CHD4: variants seen among roughly 807,000 people sequenced by gnomAD.
CHD4 encodes chromodomain helicase DNA binding protein 4, also known as ATP-dependent chromatin remodeler CHD4.
CHD4 carries 35 observed loss-of-function variants against 235.5 expected under a neutral mutation model. The observed-to-expected ratio is 0.15, with a 90% CI of 0.11 to 0.20. The LOEUF (loss-of-function observed/expected upper bound fraction) is 0.20. Among genes scored for constraint, CHD4 ranks in the 10% least tolerant of loss-of-function variants. CHD4 has a pLI of 1.00. For synonymous variants in CHD4, 900 were observed against 850.2 expected (o/e 1.06, Z -1.02); for missense variants, 1,329 against 2,432.3 (o/e 0.55, Z 9.54).
At chr12:6,601,855 G>A (rs1948597271) in intron 4 of CHD4, 89 bp from the exon 5 acceptor site, 26 of 1,561,714 alleles carry the variant, frequency 1.7e-5, no homozygotes, top group Non-Finnish European at 8.8e-7. Context: ...GAGTAACAGA[G>A]TTAAGAGGAA....
chr12:6,583,390 G>A lies in CHD4; in HGVS notation c.3880-12C>T. ...ACCTCCTCTTCCTCCTGGGACAGAG[G>A]GAGGGCCAGGACTCAGGAGTGCTGA... On this transcript the variant is annotated splice_polypyrimidine_tract_variant and intron_variant, in intron 25 of 39. Transcript: ENST00000544040. 6.3e-7 allele frequency: 1 copy of A among 1,597,462 alleles called. No homozygotes were observed. The highest frequency in any genetic ancestry group is 8.5e-7 in the Non-Finnish European group (1 of 1,170,558).
chr12:6,588,459 C>T, intron 22 of CHD4, 37 bp from the exon 23 acceptor site: 1 of 1,604,154 alleles, frequency 6.2e-7, no homozygotes. Flanking sequence ...AGAAGTGTCT[C>T]CTAAATTCCA....
At chr12:6,584,924 G>A (rs1423359938) in intron 25 of CHD4, among the ~76,000 whole-genome samples, 3 of 152,018 alleles carry the variant, frequency 2.0e-5, no homozygotes, top group Admixed American at 6.6e-5. Context: ...TGAACACTAC[G>A]GTACACAGAC....
chr12:6,595,348 T>A lies in CHD4; in HGVS notation c.2107A>T (p.Thr703Ser). ...KLRKLERPPE[T>S]PTVDPTVKYE... Reference sequence around the variant, plus strand: ...CCCCCACTCACATCAACTGTTGGCGTTTCTGGAGGCCTCTCCAACTTCCGA... The same window carrying A: ...CCCCCACTCACATCAACTGTTGGCGATTCTGGAGGCCTCTCCAACTTCCGA... The change falls in exon 14 of 40, where the codon ACG (threonine) becomes TCG (serine). Residue 703 changes from threonine to serine, a missense_variant. By Grantham distance (58) the Thr-to-Ser change is moderately conservative. Transcript: ENST00000544040. 1 of 1,614,000 alleles carries A rather than the reference T, an allele frequency of 6.2e-7. No homozygotes were observed.
chr12:6,598,574 G>T, intron 10 of CHD4, 149 bp from the exon 11 acceptor site: 1 of 636,610 alleles, frequency 1.6e-6, no homozygotes, highest in Admixed American at 3.0e-5. Context: ...ACCTTGGGAG[G>T]CCGAGGCGGG....
chr12:6,599,830 G>A lies in CHD4; in HGVS notation c.1425C>T (p.Cys475=), dbSNP rs774117810. ...GGATCTCTGGAAGTGGGGGATTCAG[G>A]CAGTGGATGTGGTAGGAAGAAGGAC... ...DTCPSSYHIH[C]LNPPLPEIPN... Residue 475 remains cysteine (C), a synonymous_variant, in exon 10 of 40, where the codon TGC becomes TGT. Coordinates refer to ENST00000544040, the MANE Select transcript of CHD4 (RefSeq NM_001273.5). 3 of 1,614,196 alleles carry A rather than the reference G, an allele frequency of 1.9e-6. No individual in the cohort carries two copies. Among genetic ancestry groups the A allele is most frequent in the South Asian group, 2.2e-5 (2 of 91,086 alleles).
At chr12:6,603,613 C>T (rs1016960483) in intron 2 of CHD4, among the ~76,000 whole-genome samples, 2 of 152,056 alleles carry the variant, frequency 1.3e-5, no homozygotes, top group African/African-American at 2.4e-5. Flanking sequence ...TTACCTGGCC[C>T]CAGGTCCAAA....
chr12:6,595,079 C>T (rs1327107428), intron 14 of CHD4, among the ~76,000 whole-genome samples: 1 of 151,998 alleles, frequency 6.6e-6, no homozygotes, highest in Non-Finnish European at 1.5e-5. Context: ...GCTATGTGGC[C>T]CCTCCCCCCA....
At chr12:6,598,854 G>A (rs530356314) in intron 10 of CHD4, among the ~76,000 whole-genome samples, 3 of 152,240 alleles carry the variant, frequency 2.0e-5, no homozygotes, top group East Asian at 3.9e-4. Flanking sequence ...CTAATCCCAG[G>A]ACTCCTCCAG....
Position 6,600,977 on chromosome 12 carries a change from A to T in CHD4, c.876T>A (p.Ala292=), listed in dbSNP as rs1325150110. Residue 292 remains alanine (A), a synonymous_variant, in exon 7 of 40, where the codon GCT becomes GCA. Transcript: ENST00000544040. ...AACCTCCCAGCTTGATTTTCAGGGG[A>T]GCTACTTTCTTGGGTTTAGGCTTCT... ...DAKKPKPKKV[A]PLKIKLGGFG... 1.2e-6 allele frequency: 2 copies of T among 1,608,112 alleles called. No individual in the cohort carries two copies. Among genetic ancestry groups the T allele is most frequent in the Non-Finnish European group, 1.7e-6 (2 of 1,178,030 alleles).
At chr12:6,595,861 G>T in intron 13 of CHD4, 145 bp downstream of exon 13, 1 of 814,750 alleles carries the variant, frequency 1.2e-6, no homozygotes, top group East Asian at 2.8e-5. Context: ...AGGAGGCTAA[G>T]GCAGGAGAAT....
intron 14 of CHD4, 100 bp from the exon 15 acceptor site, chr12:6,594,750 GGGGAAGAGCTCCGGAAAATTCGGA>G: frequency 9.1e-7 from 1 of 1,096,458 alleles, no homozygotes; most frequent in Non-Finnish European, 1.3e-6. Flanking sequence ...GGATCCTCTT[GGGGAAGAGCTCCGGAAAATTCGGA>G]GGGAAGAGAT....
At chr12:6,582,470 G>A (rs1948212297) in intron 29 of CHD4, 145 bp downstream of exon 29, 3 of 1,346,156 alleles carry the variant, frequency 2.2e-6, no homozygotes, top group Non-Finnish European at 2.0e-6. Context: ...GGGAAGCTAG[G>A]AACACATTAC....
At chr12:6,604,199 C>T (rs1250106043) in intron 2 of CHD4, among the ~76,000 whole-genome samples, 3 of 152,080 alleles carry the variant, frequency 2.0e-5, no homozygotes, top group South Asian at 4.2e-4. Flanking sequence ...CGCTTGAGCC[C>T]GGGAGGCGGA....
Position 6,598,105 on chromosome 12 carries a change from A to G in CHD4, c.1687-6T>C, listed in dbSNP as rs1448165792. On this transcript the variant is annotated splice_polypyrimidine_tract_variant and splice_region_variant and intron_variant, in intron 11 of 39. Transcript: ENST00000544040. ...ACCTGACAGTGCAGCTCCAGCTTTG[A>G]GCGGAAAGAGAAAATCAGCCACCAA... 6.2e-7 allele frequency: 1 copy of G among 1,613,940 alleles called. No individual in the cohort carries two copies. Among genetic ancestry groups the G allele is most frequent in the East Asian group, 2.2e-5 (1 of 44,894 alleles).
intron 2 of CHD4, among the ~76,000 whole-genome samples, chr12:6,605,726 G>C (rs944933799): frequency 3.3e-5 from 5 of 152,080 alleles, no homozygotes; most frequent in Admixed American, 3.3e-4. Context: ...GCTGCTTTAA[G>C]CACTCCAGAT....
intron 2 of CHD4, among the ~76,000 whole-genome samples, chr12:6,604,838 A>G (rs1207477091): frequency 6.6e-6 from 1 of 152,210 alleles, no homozygotes; most frequent in Non-Finnish European, 1.5e-5. Flanking sequence ...GCTCCCGGTC[A>G]ACATGAAAGG....
At chr12:6,580,903 AG>A (rs1948173380) in intron 33 of CHD4, 140 bp downstream of exon 33, 1 of 857,122 alleles carries the variant, frequency 1.2e-6, no homozygotes, top group Non-Finnish European at 1.8e-6. Context: ...GCTCCTCGGG[AG>A]GGTGAGGCAG....
intron 15 of CHD4, 152 bp downstream of exon 15, chr12:6,594,307 A>G (rs114803032): frequency 4.7e-6 from 3 of 633,012 alleles, no homozygotes; most frequent in Non-Finnish European, 8.2e-6. Flanking sequence ...CTATCTACTA[A>G]ACACATGTGT....
Sources: gnomAD v4.1 joint callset for allele counts (sites outside exome capture counted in the v4.1 genomes callset) on GRCh38, gnomAD v4.1.1 for gene constraint, MANE v1.5 for transcripts, NCBI Gene and HGNC (gene_info 2026-07-23, HGNC 2026-07-21) for gene names.